GTF2E2: variants seen among roughly 807,000 people sequenced by gnomAD.
The protein encoded by GTF2E2 is transcription initiation factor IIE subunit beta.
A neutral mutation model predicts 40.5 loss-of-function variants in GTF2E2; 21 were observed. That is an observed-to-expected ratio of 0.52 (90% CI 0.37 to 0.75). The LOEUF (loss-of-function observed/expected upper bound fraction) is 0.75. Among genes scored for constraint, GTF2E2 ranks in the 30% least tolerant of loss-of-function variants. The pLI, the probability that GTF2E2 is intolerant of heterozygous loss-of-function variation, is 0.00. For synonymous variants in GTF2E2, 117 were observed against 121.6 expected (o/e 0.96, Z 0.25); for missense variants, 298 against 338.4 (o/e 0.88, Z 0.94).
chr8:30,607,107 T>C lies in GTF2E2; in HGVS notation c.593A>G (p.Lys198Arg). The change falls in exon 6 of 8, where the codon AAG becomes AGG. Residue 198 changes from lysine to arginine, a missense_variant. By Grantham distance (26) the Lys-to-Arg change is conservative (BLOSUM62 2). Coordinates refer to ENST00000355904, the MANE Select transcript of GTF2E2 (RefSeq NM_002095.6). ...CTTATCATTGAAGAAAAGTATTTTC[T>C]TCTTATCGGGACGATTTACAAATAG... ...QILFVNRPDK[K>R]KILFFNDKSC... 5.3e-6 allele frequency: 8 copies of C among 1,500,210 alleles called. No individual in the cohort carries two copies. The highest frequency in any genetic ancestry group is 7.3e-6 in the Non-Finnish European group (8 of 1,088,802). The allele number at this position is 1,500,210 out of a possible 1,614,324, so 92.9% of individuals were successfully genotyped here. A position where few individuals can be genotyped will look rare whatever the true frequency, so the allele number is the denominator to read the frequency against.
intron 6 of GTF2E2, among the ~76,000 whole-genome samples, chr8:30,599,793 G>A (rs1829122481): frequency 6.6e-6 from 1 of 152,086 alleles, no homozygotes; most frequent in Non-Finnish European, 1.5e-5. Flanking sequence ...GACCATCCTG[G>A]CCAACACTGT....
intron 2 of GTF2E2, among the ~76,000 whole-genome samples, chr8:30,636,016 T>G (rs1185382379): frequency 6.6e-6 from 1 of 152,204 alleles, no homozygotes; most frequent in Non-Finnish European, 1.5e-5. Flanking sequence ...TTAAAAAGCA[T>G]CACAGCACTA....
intron 5 of GTF2E2, among the ~76,000 whole-genome samples, chr8:30,611,350 C>T (rs1829469563): frequency 6.6e-6 from 1 of 152,106 alleles, no homozygotes; most frequent in East Asian, 1.9e-4. Context: ...ATAAAAGAGA[C>T]AGTCAATGCA....
chr8:30,639,124 A>G (rs1252873292), intron 2 of GTF2E2, among the ~76,000 whole-genome samples: 1 of 152,220 alleles, frequency 6.6e-6, no homozygotes, highest in South Asian at 2.1e-4. Context: ...TTTTTAGAAT[A>G]TGAGAAAATA....
At chr8:30,643,996 T>C (rs1283731840) in intron 2 of GTF2E2, among the ~76,000 whole-genome samples, 2 of 152,232 alleles carry the variant, frequency 1.3e-5, no homozygotes, top group African/African-American at 4.8e-5. Flanking sequence ...GCATACAGAA[T>C]GACAACCGAT....
intron 6 of GTF2E2, among the ~76,000 whole-genome samples, chr8:30,585,680 C>T (rs1828660861): frequency 6.8e-6 from 1 of 147,656 alleles, no homozygotes; most frequent in Non-Finnish European, 1.5e-5. Context: ...GAGGATCATA[C>T]TTACTAATAA....
In GTF2E2 at chr8:30,623,532, G is replaced by C. The variant is rs562093033; in HGVS notation, c.259-8817C>G. On this transcript the variant is annotated intron_variant, in intron 3 of 7. Transcript: ENST00000355904. Reference sequence around the variant, plus strand: ...TTATAATCCTTTCGGTATATACCCAGTAATGGGATGGCTGGGTCAAATGGT... The same window carrying C: ...TTATAATCCTTTCGGTATATACCCACTAATGGGATGGCTGGGTCAAATGGT... Among the ~76,000 whole-genome samples the C allele has an allele frequency of 8.5e-4, 130 of 152,214 alleles. 2 individuals are homozygous for C. The South Asian group carries it at 0.017, about 19-fold the overall frequency.
At chr8:30,591,045 A>G (rs772259816) in intron 6 of GTF2E2, among the ~76,000 whole-genome samples, 1 of 152,184 alleles carries the variant, frequency 6.6e-6, no homozygotes, top group Non-Finnish European at 1.5e-5. Flanking sequence ...TGAAAAGACA[A>G]CCCACAGAAT....
intron 2 of GTF2E2, chr8:30,645,723 G>C (rs1368552360): frequency 2.0e-6 from 2 of 999,244 alleles, no homozygotes; most frequent in Non-Finnish European, 2.8e-6. Flanking sequence ...ATTTCTAGTA[G>C]AAGGGGAAAA....
intron 2 of GTF2E2, among the ~76,000 whole-genome samples, chr8:30,647,234 T>G (rs1802118836): frequency 6.6e-6 from 1 of 152,250 alleles, no homozygotes; most frequent in African/African-American, 2.4e-5. Flanking sequence ...ATGGAATTTT[T>G]TGTGTGCAAT....
intron 2 of GTF2E2, among the ~76,000 whole-genome samples, chr8:30,647,092 TTATAAA>T (rs1375465528): frequency 7.9e-5 from 12 of 151,750 alleles, no homozygotes; most frequent in Non-Finnish European, 1.6e-4. Flanking sequence ...ATTATTGATA[TTATAAA>T]TATACACATG....
chr8:30,655,421 T>C (rs1802420620), intron 1 of GTF2E2, among the ~76,000 whole-genome samples: 1 of 143,310 alleles, frequency 7.0e-6, no homozygotes, highest in African/African-American at 2.5e-5. Flanking sequence ...AAGCTGACTA[T>C]ATAAATGAAT....
intron 3 of GTF2E2, among the ~76,000 whole-genome samples, chr8:30,629,115 A>C (rs1037102484): frequency 2.6e-5 from 4 of 152,198 alleles, no homozygotes; most frequent in Non-Finnish European, 5.9e-5. Flanking sequence ...TTCATATCTT[A>C]TATTTGAACA....
intron 4 of GTF2E2, among the ~76,000 whole-genome samples, chr8:30,612,984 G>C (rs1364882716): frequency 6.6e-6 from 1 of 152,206 alleles, no homozygotes; most frequent in Admixed American, 6.5e-5. Context: ...CAGTAGATCA[G>C]CACGGTGCTC....
At chr8:30,640,009 T>C (rs1483192644) in intron 2 of GTF2E2, among the ~76,000 whole-genome samples, 2 of 152,152 alleles carry the variant, frequency 1.3e-5, no homozygotes, top group East Asian at 3.8e-4. Context: ...AACTTACAAA[T>C]CAAATTTCAG....
At chr8:30,634,263 C>T (rs1271195139) in intron 3 of GTF2E2, among the ~76,000 whole-genome samples, 1 of 152,078 alleles carries the variant, frequency 6.6e-6, no homozygotes. Flanking sequence ...GCCTGGACAA[C>T]ACAGTGAGAC....
intron 6 of GTF2E2, among the ~76,000 whole-genome samples, chr8:30,585,356 G>A (rs978410682): frequency 2.6e-5 from 4 of 152,116 alleles, no homozygotes; most frequent in African/African-American, 9.7e-5. Context: ...CTGTGTGCTG[G>A]TGTCTTTAAT....
Position 30,656,153 on chromosome 8 carries a change from C to T in GTF2E2, c.-5+1820G>A, listed in dbSNP as rs143373457. ...TAAAGCCACCTGGCTAGGCAACCCA[C>T]AAGGCCTCTACATTCAATTTCATAA... On this transcript the variant is annotated intron_variant, in intron 1 of 7. Coordinates refer to ENST00000355904, the MANE Select transcript of GTF2E2 (RefSeq NM_002095.6). 3.3e-5 allele frequency among the ~76,000 whole-genome samples: 5 copies of T among 152,306 alleles called. No homozygotes were observed. In the East Asian group the frequency reaches 9.6e-4, roughly 29 times the overall value.
At chr8:30,641,995 G>A (rs530832205) in intron 2 of GTF2E2, among the ~76,000 whole-genome samples, 2 of 152,320 alleles carry the variant, frequency 1.3e-5, no homozygotes, top group East Asian at 1.9e-4. Flanking sequence ...ATTTTTATGT[G>A]TGAATAAAGT....
Sources: gnomAD v4.1 joint callset for allele counts (sites outside exome capture counted in the v4.1 genomes callset) on GRCh38, gnomAD v4.1.1 for gene constraint, MANE v1.5 for transcripts, NCBI Gene and HGNC (gene_info 2026-07-23, HGNC 2026-07-21) for gene names.